HERC1: variants seen among roughly 807,000 people sequenced by gnomAD.
The protein encoded by HERC1 is probable E3 ubiquitin-protein ligase HERC1.
Under a neutral mutation model 554.3 loss-of-function variants are expected in HERC1, and 160 were observed. The ratio of observed to expected loss-of-function variants is 0.29; its 90% CI spans 0.25 to 0.33. HERC1 has a LOEUF of 0.33. Among genes scored for constraint, HERC1 ranks in the 10% least tolerant of loss-of-function variants. The pLI is 1.00. For missense variants in HERC1, 4,919 were observed against 5,918.5 expected, an observed-to-expected ratio of 0.83 and a Z score of 5.54; for synonymous variants, 2,175 against 2,131.7, an observed-to-expected ratio of 1.02 and a Z score of -0.56.
intron 55 of HERC1, 109 bp from the exon 56 acceptor site, chr15:63,645,791 C>T: frequency 1.5e-6 from 1 of 674,954 alleles, no homozygotes; most frequent in Non-Finnish European, 2.4e-6. Context: ...TTCTATAACT[C>T]ATTTATTTTG....
At chr15:63,736,315 A>T (rs1293854625) in intron 12 of HERC1, among the ~76,000 whole-genome samples, 3 of 152,204 alleles carry the variant, frequency 2.0e-5, no homozygotes, top group Admixed American at 6.5e-5. Context: ...AGGAATACCA[A>T]ACTAAAATTG....
rs1475892932 is a variant in HERC1, at chr15:63,672,592, G to A, written c.7949C>T (p.Ser2650Phe). ...ASSTTSFMSSSLEDTTTATTP... is the reference protein window; with the variant it reads ...ASSTTSFMSSFLEDTTTATTP... ...GGTGGCAGTTGTGGTGTCCTCCAGA[G>A]AGCTGCTCATAAAGGAGGTCGTGCT... Residue 2650 changes from serine (S) to phenylalanine (F), a missense_variant, in exon 39 of 78, where the codon TCT becomes TTT. Coordinates refer to ENST00000443617, the MANE Select transcript of HERC1 (RefSeq NM_003922.4). 2.5e-6 allele frequency: 4 copies of A among 1,612,336 alleles called. No individual in the cohort carries two copies. Among genetic ancestry groups the A allele is most frequent in the African/African-American group, 2.7e-5 (2 of 74,912 alleles).
At chr15:63,676,357 A>G (rs2152985438) in intron 37 of HERC1, among the ~76,000 whole-genome samples, 1 of 152,240 alleles carries the variant, frequency 6.6e-6, no homozygotes, top group South Asian at 2.1e-4. Context: ...AACCCCTGAA[A>G]TTGTGTGTAA....
intron 70 of HERC1, among the ~76,000 whole-genome samples, chr15:63,627,434 C>A (rs4984253): frequency 0.5 from 76,027 of 151,828 alleles, 19,946 homozygotes; most frequent in African/African-American, 0.55. Context: ...CACTTTGGGA[C>A]GCTGAGGCTT....
chr15:63,828,447 C>G (rs62020834), intron 1 of HERC1, among the ~76,000 whole-genome samples: 39,253 of 151,930 alleles, frequency 0.26, 5,614 homozygotes, highest in Middle Eastern at 0.38. Flanking sequence ...TCAAGTGATT[C>G]TCCTGCCTCA....
At chr15:63,710,694 T>G (rs1487166251) in intron 24 of HERC1, among the ~76,000 whole-genome samples, 1 of 152,104 alleles carries the variant, frequency 6.6e-6, no homozygotes, top group African/African-American at 2.4e-5. Flanking sequence ...AATTGACATT[T>G]TAAATAGGGT....
chr15:63,695,361 A>G (rs548475288), intron 27 of HERC1, among the ~76,000 whole-genome samples: 1 of 148,678 alleles, frequency 6.7e-6, no homozygotes, highest in East Asian at 2.0e-4. Context: ...TAAATGCTTG[A>G]TAATTGTTGA....
chr15:63,829,513 T>C (rs34370342), intron 1 of HERC1, among the ~76,000 whole-genome samples: 17,280 of 71,910 alleles, frequency 0.24, 1,666 homozygotes, highest in Non-Finnish European at 0.32. Context: ...CACACACACA[T>C]ATATAAATAA....
chr15:63,790,360 C>CCT (rs2076604551), intron 1 of HERC1, among the ~76,000 whole-genome samples: 2 of 152,094 alleles, frequency 1.3e-5, no homozygotes, highest in Admixed American at 1.3e-4. Flanking sequence ...GGGCGGATCA[C>CCT]GAGGTCAGGA....
intron 1 of HERC1, among the ~76,000 whole-genome samples, chr15:63,822,187 G>A (rs1163537952): frequency 6.6e-6 from 1 of 152,182 alleles, no homozygotes; most frequent in Admixed American, 6.5e-5. Flanking sequence ...GTTCAATGTA[G>A]CAGAAGTGGA....
chr15:63,660,768 T>C (rs1162514422), intron 46 of HERC1, among the ~76,000 whole-genome samples: 2 of 152,192 alleles, frequency 1.3e-5, no homozygotes, highest in Non-Finnish European at 2.9e-5. Flanking sequence ...GTAAAGTTGG[T>C]CTTTGAAACC....
rs535254182 is a variant in HERC1, at chr15:63,797,014, C to G, written c.-26-21365G>C. ...GGCCGGAACTAGTTTATCAGGTTAA[C>G]TTTGGAATGCTTGCTGAGAGGAGGG... On this transcript the variant is annotated intron_variant, in intron 1 of 77. Coordinates refer to ENST00000443617, the MANE Select transcript of HERC1 (RefSeq NM_003922.4). 2.0e-5 allele frequency among the ~76,000 whole-genome samples: 3 copies of G among 152,212 alleles called. No homozygotes were observed. In the East Asian group the frequency reaches 5.8e-4, roughly 29 times the overall value.
At position 63,654,269 on chromosome 15, in the gene HERC1, G is replaced by T. The variant is rs1197019066; in HGVS notation, c.10140C>A (p.Ser3380=). ...GAGCTGCCCATTGCCGATGCTGTGA[G>T]GACAGCCTGGAGGAGAGGCAGCAGG... The part of the protein sequence containing the change: ...LAACCLSSRL[S]SQHRQWAAQQ... Residue 3380 remains serine (S), a synonymous_variant, in exon 51 of 78, where the codon TCC becomes TCA. Transcript: ENST00000443617. 5.6e-6 allele frequency: 9 copies of T among 1,613,996 alleles called. No individual in the cohort carries two copies. Among genetic ancestry groups the T allele is most frequent in the Non-Finnish European group, 7.6e-6 (9 of 1,179,880 alleles).
Position 63,680,390 on chromosome 15 carries a change from T to G in HERC1, c.6465+147A>C. 1.1e-6 allele frequency: 1 copy of G among 918,534 alleles called. No individual in the cohort carries two copies. The highest frequency in any genetic ancestry group is 1.8e-5 in the South Asian group (1 of 55,358). 56.9% of individuals were successfully genotyped at this position (918,534 alleles called of 1,614,324 possible). ...GTTTTACTATCTTCCTGTTTGTTGT[T>G]AATAAATGTTTTAAGAACCAGAAAG... On this transcript the variant is annotated intron_variant, in intron 35 of 77. Transcript: ENST00000443617. This position sits in a 1 kb window ranked among gnomAD's most constrained non-coding sequence, Gnocchi z 5.8.
chr15:63,622,182 G>A (rs974764529), intron 74 of HERC1, among the ~76,000 whole-genome samples: 4 of 152,140 alleles, frequency 2.6e-5, no homozygotes, highest in African/African-American at 9.7e-5. Context: ...AAATTTTGGT[G>A]CAGAAAATTC....
chr15:63,666,544 C>A, intron 40 of HERC1, 72 bp from the exon 41 acceptor site: 1 of 951,818 alleles, frequency 1.1e-6, no homozygotes, highest in Non-Finnish European at 1.6e-6. Context: ...TCTTCATAGT[C>A]CTCAATTTCC....
intron 1 of HERC1, among the ~76,000 whole-genome samples, chr15:63,802,363 A>G (rs1257290462): frequency 2.0e-5 from 3 of 152,236 alleles, no homozygotes; most frequent in Non-Finnish European, 2.9e-5. Context: ...TTGCTGGCAA[A>G]TTGTTTTTGC....
chr15:63,766,136 G>C (rs1387079746), intron 2 of HERC1, among the ~76,000 whole-genome samples: 1 of 151,528 alleles, frequency 6.6e-6, no homozygotes, highest in African/African-American at 2.4e-5. Flanking sequence ...TATTATTAAG[G>C]CTTATTAACT....
intron 8 of HERC1, among the ~76,000 whole-genome samples, chr15:63,751,334 C>G (rs1249208550): frequency 6.6e-6 from 1 of 152,182 alleles, no homozygotes; most frequent in Non-Finnish European, 1.5e-5. Flanking sequence ...GAGCAATAGG[C>G]TATACCATAT....
Sources: gnomAD v4.1 joint callset for allele counts (sites outside exome capture counted in the v4.1 genomes callset) on GRCh38, gnomAD v4.1.1 for gene constraint, Gnocchi (gnomAD v3.1) non-coding constraint, MANE v1.5 for transcripts, NCBI Gene and HGNC (gene_info 2026-07-23, HGNC 2026-07-21) for gene names.